NRXN3: variants seen among roughly 807,000 people sequenced by gnomAD.
NRXN3 encodes the protein neurexin III.
In NRXN3, 32 loss-of-function variants were observed where a neutral mutation model predicts 137.6. The observed-to-expected ratio is 0.23, with a 90% CI of 0.18 to 0.31. NRXN3 has a LOEUF of 0.31. Among genes scored for constraint, NRXN3 ranks in the 10% least tolerant of loss-of-function variants. NRXN3 has a pLI of 1.00. For synonymous variants in NRXN3, 798 were observed against 784.5 expected, an observed-to-expected ratio of 1.02 and a Z score of -0.29; for missense variants, 1,574 against 2,062.5, an observed-to-expected ratio of 0.76 and a Z score of 4.59.
chr14:78,839,209 G>T (rs1449844815), intron 10 of NRXN3, among the ~76,000 whole-genome samples: 1 of 152,178 alleles, frequency 6.6e-6, no homozygotes, highest in African/African-American at 2.4e-5. Context: ...CATCACGAAA[G>T]GCTTTGCTGA....
chr14:78,993,087 G>T (rs752014839), intron 15 of NRXN3, among the ~76,000 whole-genome samples: 13 of 152,214 alleles, frequency 8.5e-5, no homozygotes, highest in Non-Finnish European at 1.6e-4. Flanking sequence ...AAGCAGCTGT[G>T]GATAGTGCAG....
chr14:78,307,793 C>A (rs2077520453), intron 4 of NRXN3, among the ~76,000 whole-genome samples: 1 of 152,112 alleles, frequency 6.6e-6, no homozygotes, highest in Non-Finnish European at 1.5e-5. Flanking sequence ...AAACCTAATC[C>A]AACTTGCACA....
At chr14:79,186,166 A>G (rs1486921906) in intron 15 of NRXN3, among the ~76,000 whole-genome samples, 1 of 152,136 alleles carries the variant, frequency 6.6e-6, no homozygotes, top group African/African-American at 2.4e-5. Context: ...AATTATAGCC[A>G]TTCTATTTTA....
intron 20 of NRXN3, among the ~76,000 whole-genome samples, chr14:79,808,198 C>T (rs1181175590): frequency 1.3e-5 from 2 of 148,814 alleles, no homozygotes; most frequent in Non-Finnish European, 3.0e-5. Context: ...GATCATGCCA[C>T]TGCTCTCCAG....
At chr14:78,437,124 C>T (rs2094095111) in intron 4 of NRXN3, among the ~76,000 whole-genome samples, 1 of 152,150 alleles carries the variant, frequency 6.6e-6, no homozygotes, top group Non-Finnish European at 1.5e-5. Context: ...CTTTGGAAGA[C>T]AGCACAGTGC....
intron 14 of NRXN3, among the ~76,000 whole-genome samples, chr14:78,986,190 A>G (rs1384847992): frequency 1.3e-5 from 2 of 152,156 alleles, no homozygotes; most frequent in Non-Finnish European, 2.9e-5. Flanking sequence ...ACTGTGAAAT[A>G]TGCTGTTATT....
At chr14:79,385,458 A>T (rs1464082494) in intron 15 of NRXN3, among the ~76,000 whole-genome samples, 2 of 152,022 alleles carry the variant, frequency 1.3e-5, no homozygotes, top group Admixed American at 1.3e-4. Flanking sequence ...CCAGTCTATC[A>T]TTGTAGATGG....
intron 19 of NRXN3, among the ~76,000 whole-genome samples, chr14:79,773,875 C>T (rs535665351): frequency 6.7e-6 from 1 of 150,214 alleles, no homozygotes; most frequent in South Asian, 2.1e-4. Flanking sequence ...GGAATCTGTT[C>T]TCTTAACCTC....
intron 15 of NRXN3, among the ~76,000 whole-genome samples, chr14:79,419,829 C>T (rs889151657): frequency 3.9e-5 from 6 of 152,126 alleles, no homozygotes; most frequent in African/African-American, 1.4e-4. Context: ...CTGCACAGTA[C>T]CTGGCTCATA....
intron 20 of NRXN3, among the ~76,000 whole-genome samples, chr14:79,842,789 A>G (rs2099358848): frequency 6.6e-6 from 1 of 152,148 alleles, no homozygotes; most frequent in African/African-American, 2.4e-5. Context: ...TCATGAATAC[A>G]ATACACTATT....
At chr14:78,195,073 CT>C (rs60332288) in intron 1 of NRXN3, among the ~76,000 whole-genome samples, 2,895 of 151,132 alleles carry the variant, frequency 0.019, 72 homozygotes, top group African/African-American at 0.065. Context: ...ACCCCCCACC[CT>C]TTTTTTTCCC....
At chr14:78,319,222 A>G (rs531973777) in intron 4 of NRXN3, among the ~76,000 whole-genome samples, 2 of 152,344 alleles carry the variant, frequency 1.3e-5, no homozygotes, top group South Asian at 4.1e-4. Flanking sequence ...TCTTCAGGCA[A>G]CCACGCAAGT....
chr14:78,434,195 G>A lies in NRXN3; in HGVS notation c.757+136335G>A, dbSNP rs963967892. 3.3e-5 allele frequency among the ~76,000 whole-genome samples: 5 copies of A among 152,156 alleles called. No individual in the cohort carries two copies. In the East Asian group the frequency reaches 9.6e-4, roughly 29 times the overall value. On this transcript the variant is annotated intron_variant, in intron 4 of 20. Coordinates refer to ENST00000335750, the MANE Select transcript of NRXN3 (RefSeq NM_001330195.2). ...TCAAAGTAAGGTGACTACTGAATGC[G>A]TAACACTTTCACACCATCGTAAAGC...
intron 4 of NRXN3, among the ~76,000 whole-genome samples, chr14:78,619,940 A>G (rs571332991): frequency 1.3e-5 from 2 of 152,310 alleles, no homozygotes; most frequent in Admixed American, 1.3e-4. Flanking sequence ...CAAATCAGAA[A>G]GAGGGCACTC....
intron 15 of NRXN3, among the ~76,000 whole-genome samples, chr14:79,023,395 A>C (rs1044730385): frequency 1.3e-5 from 2 of 152,086 alleles, no homozygotes; most frequent in Admixed American, 1.3e-4. Flanking sequence ...CATGCAATAG[A>C]ATAAAATATT....
intron 4 of NRXN3, among the ~76,000 whole-genome samples, chr14:78,373,223 A>T (rs1317140964): frequency 6.6e-6 from 1 of 151,980 alleles, no homozygotes; most frequent in Non-Finnish European, 1.5e-5. Flanking sequence ...TGAAGTCTAA[A>T]GTCAGAGGGG....
At chr14:79,659,028 G>A (rs898462858) in intron 16 of NRXN3, among the ~76,000 whole-genome samples, 5 of 152,078 alleles carry the variant, frequency 3.3e-5, no homozygotes, top group Non-Finnish European at 7.3e-5. Flanking sequence ...CCCTGGTGTC[G>A]GTAGCATCTC....
chr14:78,861,212 T>A (rs1322158649), intron 10 of NRXN3, among the ~76,000 whole-genome samples: 1 of 152,174 alleles, frequency 6.6e-6, no homozygotes, highest in Non-Finnish European at 1.5e-5. Flanking sequence ...ACAAGTTGTT[T>A]TACAGTTTGT....
intron 19 of NRXN3, among the ~76,000 whole-genome samples, chr14:79,787,864 T>C (rs1460562470): frequency 6.6e-6 from 1 of 152,220 alleles, no homozygotes; most frequent in African/African-American, 2.4e-5. Flanking sequence ...ATGTCCCTGA[T>C]ACCTCCAAAG....
Sources: allele counts gnomAD v4.1 joint callset (sites outside exome capture counted in the v4.1 genomes callset), GRCh38; gene constraint gnomAD v4.1.1; transcripts MANE v1.5; gene names NCBI Gene and HGNC (gene_info 2026-07-23, HGNC 2026-07-21).